Variants in MAGOHB observed in about 807,000 individuals in gnomAD.
The protein encoded by MAGOHB is protein mago nashi homolog 2.
MAGOHB carries 15 observed loss-of-function variants against 20.9 expected under a neutral mutation model. The observed-to-expected ratio is 0.72, with a 90% CI of 0.48 to 1.11. The LOEUF (loss-of-function observed/expected upper bound fraction) is 1.11, where lower values mean the gene tolerates loss of function less well. Among genes scored for constraint, MAGOHB ranks in the 50% least tolerant of loss-of-function variants. The pLI is 0.00. For synonymous variants in MAGOHB, 50 were observed against 57.9 expected, an observed-to-expected ratio of 0.86 and a Z score of 0.62; for missense variants, 162 against 177.6, an observed-to-expected ratio of 0.91 and a Z score of 0.50.
downstream of MAGOHB, chr12:10,604,049 T>C (rs1013714558): frequency 1.3e-5 from 2 of 152,052 alleles, no homozygotes; most frequent in African/African-American, 4.8e-5. Context: ...AGGCAAATAA[T>C]CTAAGGACAG....
rs1865610097 is a variant in MAGOHB, at chr12:10,605,502, G to T, written c.*773C>A. On this transcript the variant is annotated 3_prime_UTR_variant, in exon 5 of 5. Transcript: ENST00000320756. Reference sequence around the variant, plus strand: ...ATCAGAAAGAGGTTGAAAGGAACTGGGAAACTGAAGTGAGACTCGTGGTCA... The same window carrying T: ...ATCAGAAAGAGGTTGAAAGGAACTGTGAAACTGAAGTGAGACTCGTGGTCA... 1 of 152,122 alleles carries T rather than the reference G, an allele frequency of 6.6e-6. No individual in the cohort carries two copies. Among genetic ancestry groups the T allele is most frequent in the African/African-American group, 2.4e-5 (1 of 41,410 alleles). The allele number at this position is 152,122 out of a possible 1,614,324, so 9.4% of individuals were successfully genotyped here.
rs1369292290 is a variant in MAGOHB, at chr12:10,604,649, G to C, written c.*1626C>G. On this transcript the variant is annotated 3_prime_UTR_variant, in exon 5 of 5. Transcript: ENST00000320756. Reference sequence around the variant, plus strand: ...GACGATTGTTCCTGTTTCTGAGGTTGACATCTAAATGCAAGAAAATTACAA... The same window carrying C: ...GACGATTGTTCCTGTTTCTGAGGTTCACATCTAAATGCAAGAAAATTACAA... 1 of 152,146 alleles carries C rather than the reference G, an allele frequency of 6.6e-6. No homozygotes were observed. Among genetic ancestry groups the C allele is most frequent in the Non-Finnish European group, 1.5e-5 (1 of 68,026 alleles). 9.4% of individuals were successfully genotyped at this position (152,146 alleles called of 1,614,324 possible).
rs530242484 is a variant in MAGOHB at position 10,611,844 on chromosome 12, T to C, written c.95-1164A>G. Among the ~76,000 whole-genome samples the C allele has an allele frequency of 1.4e-4, 21 of 149,394 alleles. 1 individual carries two copies. Among genetic ancestry groups the C allele is most frequent in the African/African-American group, 5.2e-4 (21 of 40,646 alleles). On this transcript the variant is annotated intron_variant, in intron 1 of 4. Transcript: ENST00000320756. Reference sequence around the variant, plus strand: ...GTATGTGTAACAGTGTAGTGGCAGATACATTGATTAGAACCACTGTTCTAG... The same window carrying C: ...GTATGTGTAACAGTGTAGTGGCAGACACATTGATTAGAACCACTGTTCTAG...
downstream of MAGOHB, among the ~76,000 whole-genome samples, chr12:10,601,255 A>C (rs754976791): frequency 6.7e-6 from 1 of 148,484 alleles, no homozygotes; most frequent in Non-Finnish European, 1.5e-5. Context: ...TCTTGTGCAT[A>C]TAACCATATT....
intron 1 of MAGOHB, 66 bp from the exon 2 acceptor site, chr12:10,610,746 C>T (rs1865718408): frequency 2.1e-6 from 3 of 1,459,364 alleles, no homozygotes; most frequent in Admixed American, 2.3e-5. Context: ...ACATCATATA[C>T]AATTTTGAAG....
downstream of MAGOHB, among the ~76,000 whole-genome samples, chr12:10,600,775 A>G (rs186862119): frequency 3.9e-5 from 6 of 152,292 alleles, no homozygotes; most frequent in Non-Finnish European, 7.4e-5. Flanking sequence ...GTCTTTTTCA[A>G]TCTTCTGATT....
At chr12:10,607,774 T>G (rs1316291908) in intron 4 of MAGOHB, 80 bp downstream of exon 4, 1 of 770,170 alleles carries the variant, frequency 1.3e-6, no homozygotes, top group Admixed American at 2.6e-5. Flanking sequence ...TGAAATTATC[T>G]TGGCTAGCAA....
rs1469397696 is a variant in MAGOHB, at chr12:10,605,116, T to C, written c.*1159A>G. 6.6e-6 allele frequency: 1 copy of C among 152,210 alleles called. No homozygotes were observed. Among genetic ancestry groups the C allele is most frequent in the Non-Finnish European group, 1.5e-5 (1 of 68,034 alleles). 9.4% of individuals were successfully genotyped at this position (152,210 alleles called of 1,614,324 possible). A position where few individuals can be genotyped will look rare whatever the true frequency, so the allele number is the denominator to read the frequency against. On this transcript the variant is annotated 3_prime_UTR_variant, in exon 5 of 5. Transcript: ENST00000320756. ...TAGTTCTCAAGAGTTTTTAATGTTT[T>C]ATCCTTTTCACGTTAGAAAAAAATT...
chr12:10,613,252 G>A (rs1039285659), intron 1 of MAGOHB, among the ~76,000 whole-genome samples, 187 bp downstream of exon 1: 6 of 152,288 alleles, frequency 3.9e-5, no homozygotes, highest in African/African-American at 1.4e-4. Flanking sequence ...GTTTGTGACA[G>A]GATTAGCTTT....
downstream of MAGOHB, among the ~76,000 whole-genome samples, chr12:10,601,181 G>A (rs1401912067): frequency 6.6e-6 from 1 of 152,174 alleles, no homozygotes; most frequent in Admixed American, 6.5e-5. Flanking sequence ...AGGGTCAGGG[G>A]CTGGGGTGTA....
intron 1 of MAGOHB, among the ~76,000 whole-genome samples, chr12:10,611,882 CT>C: frequency 6.6e-6 from 1 of 151,892 alleles, no homozygotes; most frequent in South Asian, 2.1e-4. Context: ...TAAAACTTCC[CT>C]GATAATATTC....
Position 10,610,724 on chromosome 12 carries a change from C to T in MAGOHB, c.95-44G>A, listed in dbSNP as rs1284456756. On this transcript the variant is annotated intron_variant, in intron 1 of 4. Coordinates refer to ENST00000320756, the MANE Select transcript of MAGOHB (RefSeq NM_018048.5). ...AATCAATTTATAATAGCAAAAACTGCTAAAAAAATTAACATCATATACAAT... is the reference window on the plus strand; with the variant it reads ...AATCAATTTATAATAGCAAAAACTGTTAAAAAAATTAACATCATATACAAT... 7.2e-6 allele frequency: 11 copies of T among 1,530,374 alleles called. No homozygotes were observed. In the East Asian group the frequency reaches 2.6e-4, roughly 36 times the overall value. The allele number at this position is 1,530,374 out of a possible 1,614,324, so 94.8% of individuals were successfully genotyped here.
downstream of MAGOHB, chr12:10,599,611 G>C (rs1013124200): frequency 2.0e-5 from 3 of 152,170 alleles, no homozygotes; most frequent in African/African-American, 7.2e-5. Context: ...ATCCCTTAGG[G>C]GCTATAACAT....
chr12:10,607,386 G>A (rs1394174808), intron 4 of MAGOHB, among the ~76,000 whole-genome samples: 4 of 152,180 alleles, frequency 2.6e-5, no homozygotes, highest in Non-Finnish European at 4.4e-5. Context: ...AAAATGGGAT[G>A]TGCTACAAAA....
chr12:10,612,590 C>A, intron 1 of MAGOHB: 1 of 894,090 alleles, frequency 1.1e-6, no homozygotes, highest in Non-Finnish European at 1.4e-6. Flanking sequence ...TCTGTGCCTC[C>A]CACCAAGACA....
Position 10,613,041 on chromosome 12 carries a change from T to TG in MAGOHB, c.94+397dup. The TG allele has an allele frequency of 7.5e-6, 7 of 930,846 alleles. No individual in the cohort carries two copies. In the South Asian group the frequency reaches 1.0e-4, roughly 14 times the overall value. 57.7% of individuals were successfully genotyped at this position (930,846 alleles called of 1,614,324 possible). A position where few individuals can be genotyped will look rare whatever the true frequency, so the allele number is the denominator to read the frequency against. ...TTATTATTCTCATTTGTTAACACGTTGGGCTCCTCCCCTTCAAAGAAAACA... is the reference window on the plus strand; with the variant it reads ...TTATTATTCTCATTTGTTAACACGTTGGGGCTCCTCCCCTTCAAAGAAAACA... On this transcript the variant is annotated intron_variant, in intron 1 of 4. Coordinates refer to ENST00000320756, the MANE Select transcript of MAGOHB (RefSeq NM_018048.5).
chr12:10,611,785 C>T (rs1477261241), intron 1 of MAGOHB, among the ~76,000 whole-genome samples: 1 of 58,826 alleles, frequency 1.7e-5, no homozygotes, highest in African/African-American at 5.1e-5. Context: ...AGAAAAGAAA[C>T]GCGTCTTCGG....
chr12:10,609,490 G>A, intron 3 of MAGOHB: 2 of 373,562 alleles, frequency 5.4e-6, no homozygotes, highest in South Asian at 2.1e-5. Context: ...TAGAAGTTAT[G>A]ATTTGGCAAA....
In MAGOHB at chr12:10,613,549, C is replaced by A; in HGVS notation, c.-17G>T. 1 of 1,593,880 alleles carries A rather than the reference C, an allele frequency of 6.3e-7. No homozygotes were observed. Among genetic ancestry groups the A allele is most frequent in the Non-Finnish European group, 8.6e-7 (1 of 1,161,572 alleles). The stretch of plus-strand genomic sequence containing the variant: ...CACAGCCATTTTTGTACCCGGGAAG[C>A]CCGCCGAAAACGCAGCCAACGTGTC... On this transcript the variant is annotated 5_prime_UTR_variant, in exon 1 of 5. Coordinates refer to ENST00000320756, the MANE Select transcript of MAGOHB (RefSeq NM_018048.5).
Sources: gnomAD v4.1 joint callset for allele counts (sites outside exome capture counted in the v4.1 genomes callset) on GRCh38, gnomAD v4.1.1 for gene constraint, MANE v1.5 for transcripts, NCBI Gene and HGNC (gene_info 2026-07-23, HGNC 2026-07-21) for gene names.